The following KLHL2 variants were observed in gnomAD, a reference collection of about 807,000 sequenced individuals.
The protein encoded by KLHL2 is kelch-like protein 2.
Under a neutral mutation model 75.8 loss-of-function variants are expected in KLHL2, and 15 were observed. That is an observed-to-expected ratio of 0.20 (90% CI 0.13 to 0.30). The LOEUF (loss-of-function observed/expected upper bound fraction) is 0.30, where lower values mean the gene tolerates loss of function less well. KLHL2 is among the 10% of genes least tolerant of loss of function. The pLI, the probability that KLHL2 is intolerant of heterozygous loss-of-function variation, is 1.00. For missense variants in KLHL2, 381 were observed against 741.0 expected (o/e 0.51, Z 5.64); for synonymous variants, 214 against 251.9 (o/e 0.85, Z 1.42).
intron 5 of KLHL2, among the ~76,000 whole-genome samples, chr4:165,293,571 C>G (rs1242040919): frequency 3.3e-5 from 5 of 151,064 alleles, no homozygotes; most frequent in African/African-American, 7.3e-5. Context: ...GCTGCGATCT[C>G]AGCTCACTGC....
At chr4:165,266,711 T>G (rs1028543789) in intron 5 of KLHL2, among the ~76,000 whole-genome samples, 1 of 152,244 alleles carries the variant, frequency 6.6e-6, no homozygotes, top group Non-Finnish European at 1.5e-5. Flanking sequence ...CATGCTGTTT[T>G]GGTTACTGTA....
At chr4:165,278,908 C>T (rs756937320) in intron 5 of KLHL2, 3 of 1,406,682 alleles carry the variant, frequency 2.1e-6, no homozygotes, top group East Asian at 2.3e-5. Flanking sequence ...CTTCCAAGGC[C>T]CCCGCTTTCA....
chr4:165,295,616 G>A (rs1033963996), intron 6 of KLHL2, among the ~76,000 whole-genome samples: 4 of 152,194 alleles, frequency 2.6e-5, no homozygotes, highest in African/African-American at 9.7e-5. Context: ...GAATGGGATA[G>A]GTATGGGGAT....
chr4:165,296,866 C>CT (rs34226143), intron 6 of KLHL2, among the ~76,000 whole-genome samples: 33 of 147,774 alleles, frequency 2.2e-4, no homozygotes, highest in South Asian at 4.3e-4. Flanking sequence ...TAGTTTCTTG[C>CT]TTTTTTTTTT....
intron 5 of KLHL2, among the ~76,000 whole-genome samples, chr4:165,273,856 G>A (rs1742875515): frequency 6.6e-6 from 1 of 152,176 alleles, no homozygotes; most frequent in Non-Finnish European, 1.5e-5. Flanking sequence ...AATAGGAAGT[G>A]GGGAGATAAG....
chr4:165,243,556 T>C (rs1185668331), intron 4 of KLHL2, among the ~76,000 whole-genome samples: 1 of 152,270 alleles, frequency 6.6e-6, no homozygotes, highest in Non-Finnish European at 1.5e-5. Flanking sequence ...TCTATCTCTT[T>C]AGAAATGAAA....
intron 4 of KLHL2, among the ~76,000 whole-genome samples, chr4:165,250,443 G>A (rs1740615022): frequency 6.6e-6 from 1 of 152,200 alleles, no homozygotes; most frequent in Non-Finnish European, 1.5e-5. Context: ...GAACAACTCA[G>A]AAAATAATAA....
intron 5 of KLHL2, among the ~76,000 whole-genome samples, chr4:165,265,327 G>T (rs1308301089): frequency 6.6e-6 from 1 of 152,054 alleles, no homozygotes; most frequent in African/African-American, 2.4e-5. Flanking sequence ...TCTATAGGTT[G>T]TGTGTTTACT....
Position 165,313,862 on chromosome 4 carries a change from A to G in KLHL2, c.1469-164A>G, listed in dbSNP as rs576986033. ...TGTTGAGATGCTTATTTAATCATCA[A>G]TTGTATTGATTTCCATTTCTTAAAT... On this transcript the variant is annotated intron_variant, in intron 12 of 14. Coordinates refer to ENST00000226725, the MANE Select transcript of KLHL2 (RefSeq NM_007246.4). Among the ~76,000 whole-genome samples, 13 of 152,252 alleles carry G rather than the reference A, an allele frequency of 8.5e-5. No individual in the cohort carries two copies. In the South Asian group the frequency reaches 1.9e-3, roughly 22 times the overall value.
intron 9 of KLHL2, among the ~76,000 whole-genome samples, chr4:165,306,248 A>G (rs910777200): frequency 6.6e-6 from 1 of 152,232 alleles, no homozygotes; most frequent in Non-Finnish European, 1.5e-5. Flanking sequence ...TAGCGAAATG[A>G]GTTCTGTATG....
At chr4:165,223,903 C>T in intron 2 of KLHL2, 2 of 445,736 alleles carry the variant, frequency 4.5e-6, no homozygotes, top group East Asian at 7.2e-5. Flanking sequence ...GCAGACTGTA[C>T]CCCAGGTAAG....
chr4:165,245,563 A>G (rs1042504279), intron 4 of KLHL2, among the ~76,000 whole-genome samples: 1 of 152,134 alleles, frequency 6.6e-6, no homozygotes. Flanking sequence ...GGGGCTTGTT[A>G]TGTGGGGCAT....
chr4:165,232,654 C>T (rs1336133935), intron 3 of KLHL2, among the ~76,000 whole-genome samples: 2 of 151,898 alleles, frequency 1.3e-5, no homozygotes, highest in Non-Finnish European at 1.5e-5. Flanking sequence ...GCAGGAGGAT[C>T]GCTTGAGCCT....
At chr4:165,289,148 T>C (rs972367102) in intron 5 of KLHL2, among the ~76,000 whole-genome samples, 1 of 152,176 alleles carries the variant, frequency 6.6e-6, no homozygotes, top group Non-Finnish European at 1.5e-5. Context: ...ACAATCTCAT[T>C]AAATTGCCTA....
chr4:165,229,328 C>A (rs189136946), intron 3 of KLHL2, among the ~76,000 whole-genome samples: 2 of 152,074 alleles, frequency 1.3e-5, no homozygotes, highest in Admixed American at 6.5e-5. Context: ...GAAAATAAAG[C>A]GATTTATCTA....
chr4:165,247,853 A>G (rs1214103357), intron 4 of KLHL2, among the ~76,000 whole-genome samples: 1 of 152,228 alleles, frequency 6.6e-6, no homozygotes, highest in Admixed American at 6.5e-5. Flanking sequence ...TTGTCAGGCC[A>G]TATTGGGAGC....
intron 8 of KLHL2, among the ~76,000 whole-genome samples, chr4:165,304,108 C>T (rs145104222): frequency 1.3e-5 from 2 of 150,194 alleles, no homozygotes; most frequent in Non-Finnish European, 3.0e-5. Flanking sequence ...GTCTTGAACT[C>T]CTGAGCTCAT....
At chr4:165,245,081 A>G (rs1740147529) in intron 4 of KLHL2, among the ~76,000 whole-genome samples, 1 of 152,090 alleles carries the variant, frequency 6.6e-6, no homozygotes, top group African/African-American at 2.4e-5. Flanking sequence ...GGTGGTGCAC[A>G]CTTGTGGTCC....
At chr4:165,288,878 G>C (rs1288920968) in intron 5 of KLHL2, among the ~76,000 whole-genome samples, 4 of 151,314 alleles carry the variant, frequency 2.6e-5, no homozygotes. Flanking sequence ...GTGGCTTGAG[G>C]CCAGGGAAGG....
Sources: allele counts gnomAD v4.1 joint callset (sites outside exome capture counted in the v4.1 genomes callset), GRCh38; gene constraint gnomAD v4.1.1; transcripts MANE v1.5; gene names NCBI Gene and HGNC (gene_info 2026-07-23, HGNC 2026-07-21).